The following AAGAB variants were observed in gnomAD, a reference collection of about 807,000 sequenced individuals.
The protein encoded by AAGAB is alpha- and gamma-adaptin-binding protein p34.
Under a neutral mutation model 44.1 loss-of-function variants are expected in AAGAB, and 38 were observed. The observed-to-expected ratio is 0.86, with a 90% CI of 0.67 to 1.13. The LOEUF is 1.13. Among genes scored for constraint, AAGAB ranks in the 50% most tolerant of loss-of-function variants. The pLI is 0.00. For synonymous variants in AAGAB, 131 were observed against 131.8 expected, an observed-to-expected ratio of 0.99 and a Z score of 0.04; for missense variants, 450 against 373.8, an observed-to-expected ratio of 1.20 and a Z score of -1.68.
At chr15:67,232,631 TG>T in intron 4 of AAGAB, 1 of 347,950 alleles carries the variant, frequency 2.9e-6, no homozygotes, top group Non-Finnish European at 5.8e-6. Flanking sequence ...GAACTCATTT[TG>T]GTGGTGGCAA....
chr15:67,217,975 T>C lies in AAGAB; in HGVS notation c.536-8431A>G, dbSNP rs570409633. ...ATAAATGATCAATTCTTTACATTTA[T>C]AATGGGAAAACAGAAAACTACAACA... On this transcript the variant is annotated intron_variant, in intron 5 of 9. Coordinates refer to ENST00000261880, the MANE Select transcript of AAGAB (RefSeq NM_024666.5). 4.6e-5 allele frequency among the ~76,000 whole-genome samples: 7 copies of C among 152,366 alleles called. No individual in the cohort carries two copies. In the South Asian group the frequency reaches 1.5e-3, roughly 32 times the overall value.
intron 5 of AAGAB, among the ~76,000 whole-genome samples, chr15:67,212,639 C>T (rs935808231): frequency 5.3e-5 from 8 of 152,120 alleles, no homozygotes; most frequent in Admixed American, 2.6e-4. Flanking sequence ...CATTATGTTC[C>T]GCTGCTTATA....
At chr15:67,237,836 G>A (rs1462291317) in intron 1 of AAGAB, among the ~76,000 whole-genome samples, 1 of 152,112 alleles carries the variant, frequency 6.6e-6, no homozygotes, top group African/African-American at 2.4e-5. Context: ...ACGTATTAAT[G>A]AAATGTGCCT....
chr15:67,203,878 C>T (rs561596257), intron 8 of AAGAB, among the ~76,000 whole-genome samples, 166 bp downstream of exon 8: 24 of 151,866 alleles, frequency 1.6e-4, no homozygotes, highest in African/African-American at 5.6e-4. Flanking sequence ...AAAATTTTCC[C>T]CAGGGAATTT....
chr15:67,241,449 C>T (rs1964597302), intron 1 of AAGAB, among the ~76,000 whole-genome samples: 2 of 152,224 alleles, frequency 1.3e-5, no homozygotes, highest in South Asian at 2.1e-4. Context: ...CATAACCTCT[C>T]ACCCCAGATA....
intron 1 of AAGAB, among the ~76,000 whole-genome samples, chr15:67,246,618 AT>A (rs1221511904): frequency 6.6e-6 from 1 of 152,168 alleles, no homozygotes; most frequent in African/African-American, 2.4e-5. Flanking sequence ...TAGCTAAAGG[AT>A]TGTAAACACA....
intron 1 of AAGAB, among the ~76,000 whole-genome samples, chr15:67,247,703 G>C (rs572050546): frequency 6.6e-6 from 1 of 151,978 alleles, no homozygotes; most frequent in African/African-American, 2.4e-5. Flanking sequence ...CTAAAACTTC[G>C]CACGAAAAGT....
chr15:67,216,490 A>G (rs1963953316), intron 5 of AAGAB, among the ~76,000 whole-genome samples: 1 of 150,110 alleles, frequency 6.7e-6, no homozygotes, highest in Non-Finnish European at 1.5e-5. Flanking sequence ...TTAAATCACC[A>G]AAGATACGAA....
chr15:67,236,280 T>C (rs1964462171), intron 3 of AAGAB, 128 bp downstream of exon 3: 1 of 1,007,254 alleles, frequency 9.9e-7, no homozygotes. Context: ...GAAAAATAGC[T>C]GAAAATATTT....
chr15:67,237,314 T>C (rs1433688590), intron 1 of AAGAB, among the ~76,000 whole-genome samples: 1 of 152,192 alleles, frequency 6.6e-6, no homozygotes, highest in Non-Finnish European at 1.5e-5. Context: ...GCTTAGACAT[T>C]AATTCAGCTA....
chr15:67,206,097 T>C (rs907144132), intron 7 of AAGAB, among the ~76,000 whole-genome samples: 1 of 152,254 alleles, frequency 6.6e-6, no homozygotes, highest in East Asian at 1.9e-4. Context: ...TGGAATTTAG[T>C]TGTCAAATCT....
intron 1 of AAGAB, among the ~76,000 whole-genome samples, chr15:67,246,409 T>A (rs1284234514): frequency 8.0e-4 from 110 of 137,998 alleles, no homozygotes; most frequent in Middle Eastern, 7.4e-3. Flanking sequence ...AAAAAAAAAA[T>A]GAAAAAACAG....
chr15:67,232,708 G>T, intron 4 of AAGAB: 1 of 267,164 alleles, frequency 3.7e-6, no homozygotes, highest in South Asian at 4.8e-5. Context: ...CACAAACATA[G>T]ACTTACAAGA....
rs1032018541 is a variant in AAGAB at position 67,200,989 on chromosome 15, T to TA, written c.*1831dup. 2.0e-5 allele frequency: 3 copies of TA among 152,302 alleles called. No homozygotes were observed. The highest frequency in any genetic ancestry group is 2.9e-5 in the Non-Finnish European group (2 of 68,034). The allele number at this position is 152,302 out of a possible 1,614,324, so 9.4% of individuals were successfully genotyped here. A position where few individuals can be genotyped will look rare whatever the true frequency, so the allele number is the denominator to read the frequency against. On this transcript the variant is annotated 3_prime_UTR_variant, in exon 10 of 10. Coordinates refer to ENST00000261880, the MANE Select transcript of AAGAB (RefSeq NM_024666.5). ...GGCTTCCCTCACTCATACCCCCTAATAAAAAACCACAAAATCATAATAATA... is the reference window on the plus strand; with the variant it reads ...GGCTTCCCTCACTCATACCCCCTAATAAAAAAACCACAAAATCATAATAATA...
Position 67,202,842 on chromosome 15 carries a change from A to T in AAGAB, c.927T>A (p.Leu309=). 3.1e-6 allele frequency: 5 copies of T among 1,614,026 alleles called. No individual in the cohort carries two copies. The highest frequency in any genetic ancestry group is 2.5e-6 in the Non-Finnish European group (3 of 1,179,910). ...IGGDRDEIEG[L]SSDEEH ...TAATTCAGTGCTCTTCATCAGATGA[A>T]AGGCCTTCAATTTCATCTCTGTCTC... The change falls in exon 10 of 10, where the codon CTT becomes CTA. Residue 309 remains leucine, a synonymous_variant. Transcript: ENST00000261880.
At chr15:67,232,271 C>T (rs1432009525) in intron 4 of AAGAB, among the ~76,000 whole-genome samples, 1 of 148,058 alleles carries the variant, frequency 6.8e-6, no homozygotes, top group Non-Finnish European at 1.5e-5. Flanking sequence ...AAAAAAGTTA[C>T]GTATATATCC....
intron 1 of AAGAB, among the ~76,000 whole-genome samples, chr15:67,253,305 G>T (rs1415093091): frequency 1.4e-5 from 2 of 146,720 alleles, no homozygotes; most frequent in South Asian, 2.1e-4. Flanking sequence ...GCACACACCT[G>T]TAGTCCCAGA....
chr15:67,227,043 T>C (rs1221413033), intron 5 of AAGAB: 1 of 164,556 alleles, frequency 6.1e-6, no homozygotes. Flanking sequence ...AGAGCTGGAA[T>C]TGTTTTTTCA....
Position 67,234,354 on chromosome 15 carries a change from C to G in AAGAB, c.451+1625G>C, listed in dbSNP as rs181152512. Among the ~76,000 whole-genome samples the G allele has an allele frequency of 3.7e-3, 561 of 152,250 alleles. 1 individual carries two copies. Among genetic ancestry groups the G allele is most frequent in the Middle Eastern group, 0.01 (3 of 294 alleles). On this transcript the variant is annotated intron_variant, in intron 4 of 9. Transcript: ENST00000261880. The stretch of plus-strand genomic sequence containing the variant: ...ATGAAGACCTAAAAGTCATGTTTAT[C>G]TTAATTGTGAATGACTTAATTCTCA...
Sources: gnomAD v4.1 joint callset for allele counts (sites outside exome capture counted in the v4.1 genomes callset) on GRCh38, gnomAD v4.1.1 for gene constraint, MANE v1.5 for transcripts, NCBI Gene and HGNC (gene_info 2026-07-23, HGNC 2026-07-21) for gene names.